Variants in TMEFF2 observed in about 807,000 individuals in gnomAD.
TMEFF2 encodes the protein tomoregulin-2.
Under a neutral mutation model 53.8 loss-of-function variants are expected in TMEFF2, and 28 were observed. The observed-to-expected ratio is 0.52, with a 90% CI of 0.39 to 0.71. The LOEUF is 0.71. TMEFF2 is among the 30% of genes least tolerant of loss of function. The pLI, the probability that TMEFF2 is intolerant of heterozygous loss-of-function variation, is 0.00. For missense variants in TMEFF2, 353 were observed against 455.2 expected (o/e 0.78, Z 2.04); for synonymous variants, 162 against 166.3 (o/e 0.97, Z 0.20).
At chr2:192,187,879 A>T (rs906920374) in intron 2 of TMEFF2, among the ~76,000 whole-genome samples, 5 of 152,246 alleles carry the variant, frequency 3.3e-5, no homozygotes, top group African/African-American at 1.2e-4. Context: ...TTTTCATGGG[A>T]TTTATTGCTT....
intron 5 of TMEFF2, chr2:192,044,144 A>T (rs1439684591): frequency 6.6e-6 from 1 of 152,198 alleles, no homozygotes; most frequent in Non-Finnish European, 1.5e-5. Context: ...ACTGTGCTGC[A>T]TCAGGGGTAT....
intron 7 of TMEFF2, among the ~76,000 whole-genome samples, chr2:191,970,097 G>A (rs528848545): frequency 6.6e-6 from 1 of 152,222 alleles, no homozygotes; most frequent in South Asian, 2.1e-4. Flanking sequence ...TGATAATGCT[G>A]CCTAAAATAA....
At chr2:192,192,230 A>G (rs1327256611) in intron 1 of TMEFF2, among the ~76,000 whole-genome samples, 1 of 151,700 alleles carries the variant, frequency 6.6e-6, no homozygotes, top group Non-Finnish European at 1.5e-5. Flanking sequence ...TGATAGTGCT[A>G]TTTTTTAAAG....
chr2:192,187,549 T>G (rs1691344766), intron 2 of TMEFF2, among the ~76,000 whole-genome samples: 1 of 152,170 alleles, frequency 6.6e-6, no homozygotes, highest in Non-Finnish European at 1.5e-5. Flanking sequence ...CTGCTCAGTT[T>G]CAGATGAAGG....
intron 4 of TMEFF2, among the ~76,000 whole-genome samples, chr2:192,111,927 T>C (rs779665348): frequency 6.6e-6 from 1 of 152,210 alleles, no homozygotes; most frequent in Non-Finnish European, 1.5e-5. Context: ...GTTGAGCCTG[T>C]GGGTGCACAG....
chr2:192,007,081 A>G (rs556128670), intron 5 of TMEFF2, among the ~76,000 whole-genome samples: 10 of 152,248 alleles, frequency 6.6e-5, no homozygotes, highest in African/African-American at 2.4e-4. Flanking sequence ...AATCTCAGCT[A>G]CTCTGACTCC....
At chr2:192,166,429 C>T (rs967656657) in intron 4 of TMEFF2, among the ~76,000 whole-genome samples, 1 of 152,092 alleles carries the variant, frequency 6.6e-6, no homozygotes, top group Admixed American at 6.6e-5. Context: ...GGAATATAGA[C>T]TTTTTAGGGA....
intron 4 of TMEFF2, among the ~76,000 whole-genome samples, chr2:192,125,994 C>T (rs574681195): frequency 4.6e-5 from 7 of 152,156 alleles, no homozygotes; most frequent in East Asian, 3.9e-4. Context: ...ATAACAAACC[C>T]GCACATCCTG....
intron 4 of TMEFF2, among the ~76,000 whole-genome samples, chr2:192,144,175 A>G (rs1690198577): frequency 6.6e-6 from 1 of 152,082 alleles, no homozygotes; most frequent in African/African-American, 2.4e-5. Context: ...AAGAGCCCAC[A>G]GTCCTTCCCA....
intron 4 of TMEFF2, among the ~76,000 whole-genome samples, chr2:192,131,995 C>A (rs1009049821): frequency 2.0e-4 from 30 of 151,920 alleles, no homozygotes; most frequent in Admixed American, 7.2e-4. Context: ...CAGTGCAACT[C>A]GTCCCAAATC....
intron 4 of TMEFF2, among the ~76,000 whole-genome samples, chr2:192,060,501 C>G (rs1688017910): frequency 6.6e-6 from 1 of 152,172 alleles, no homozygotes; most frequent in Admixed American, 6.5e-5. Context: ...TAGTAAGTAC[C>G]AGACTCCATC....
At chr2:192,088,990 CTG>C (rs1043005245) in intron 4 of TMEFF2, among the ~76,000 whole-genome samples, 43 of 152,234 alleles carry the variant, frequency 2.8e-4, no homozygotes, top group African/African-American at 1.0e-3. Context: ...AGGATGGAAT[CTG>C]TATCTAATTG....
chr2:191,974,357 G>A (rs186657040), intron 7 of TMEFF2, among the ~76,000 whole-genome samples: 12 of 151,978 alleles, frequency 7.9e-5, no homozygotes, highest in East Asian at 1.9e-4. Flanking sequence ...TAGGTGTTTC[G>A]CATACTACTG....
At position 192,191,928 on chromosome 2, in the gene TMEFF2, C is replaced by T. The variant is rs766070960; in HGVS notation, c.234G>A (p.Gly78=). The change falls in exon 2 of 10, where the codon GGG becomes GGA. Residue 78 remains glycine (G), a synonymous_variant. Transcript: ENST00000272771. ...CAGTGTCTCCAATTCTTAAACATTC[C>T]CCATCAAATTTACAGGTGTTGGTGT... ...LCDTNTCKFD[G]ECLRIGDTVT... The T allele has an allele frequency of 4.3e-6, 7 of 1,613,586 alleles. No individual in the cohort carries two copies. The highest frequency in any genetic ancestry group is 5.9e-6 in the Non-Finnish European group (7 of 1,179,672).
chr2:192,051,714 C>T (rs574905729), intron 5 of TMEFF2, among the ~76,000 whole-genome samples: 33 of 152,248 alleles, frequency 2.2e-4, no homozygotes, highest in African/African-American at 7.2e-4. Flanking sequence ...ATCCAAAATG[C>T]ATTAAATGTG....
At chr2:192,097,064 T>C (rs1457707410) in intron 4 of TMEFF2, among the ~76,000 whole-genome samples, 4 of 152,222 alleles carry the variant, frequency 2.6e-5, no homozygotes, top group Non-Finnish European at 4.4e-5. Flanking sequence ...ATACTGCCTC[T>C]TGCAAATAGC....
At chr2:192,143,891 G>A (rs1488458342) in intron 4 of TMEFF2, among the ~76,000 whole-genome samples, 6 of 151,948 alleles carry the variant, frequency 3.9e-5, no homozygotes, top group Admixed American at 1.3e-4. Flanking sequence ...CACATACAGC[G>A]GTTTATTTTT....
intron 2 of TMEFF2, among the ~76,000 whole-genome samples, chr2:192,191,454 C>G (rs766636697): frequency 6.6e-6 from 1 of 151,952 alleles, no homozygotes; most frequent in Admixed American, 6.6e-5. Flanking sequence ...AGTCAGGTTG[C>G]AAGGATAATA....
At chr2:192,165,055 G>A (rs929644841) in intron 4 of TMEFF2, among the ~76,000 whole-genome samples, 1 of 150,838 alleles carries the variant, frequency 6.6e-6, no homozygotes, top group African/African-American at 2.4e-5. Flanking sequence ...GCAAGCCAAA[G>A]ACACATCACA....
Sources: allele counts gnomAD v4.1 joint callset (sites outside exome capture counted in the v4.1 genomes callset), GRCh38; gene constraint gnomAD v4.1.1; transcripts MANE v1.5; gene names NCBI Gene and HGNC (gene_info 2026-07-23, HGNC 2026-07-21).